Variants in KCNN2 observed in about 807,000 individuals in gnomAD.
KCNN2 encodes the protein potassium calcium-activated channel subfamily N member 2, also known as small conductance calcium-activated potassium channel protein 2.
In KCNN2, 24 loss-of-function variants were observed where a neutral mutation model predicts 55.5. That is an observed-to-expected ratio of 0.43 (90% CI 0.31 to 0.61). KCNN2 has a LOEUF of 0.61. Ranked by LOEUF, KCNN2 falls within the 20% of genes least tolerant of loss-of-function variation. The pLI is 0.08. For missense variants in KCNN2, 754 were observed against 853.6 expected, an observed-to-expected ratio of 0.88 and a Z score of 1.45; for synonymous variants, 431 against 336.1, an observed-to-expected ratio of 1.28 and a Z score of -3.09.
chr5:114,322,954 C>G (rs1756639750), intron 2 of KCNN2, among the ~76,000 whole-genome samples: 1 of 152,204 alleles, frequency 6.6e-6, no homozygotes, highest in African/African-American at 2.4e-5. Flanking sequence ...CTCCTGTCCT[C>G]TTCCCACTCT....
At chr5:114,094,907 A>T (rs933139337) in intron 1 of KCNN2, among the ~76,000 whole-genome samples, 1 of 152,112 alleles carries the variant, frequency 6.6e-6, no homozygotes, top group Non-Finnish European at 1.5e-5. Context: ...TCCTGCTTTT[A>T]TATAATATTG....
rs75535945 is a variant in KCNN2, at chr5:114,257,515, T to C, written c.-185+35950T>C. Among the ~76,000 whole-genome samples, 1,254 of 152,212 alleles carry C rather than the reference T, an allele frequency of 8.2e-3. 7 individuals carry two copies. The highest frequency in any genetic ancestry group is 0.014 in the Middle Eastern group (4 of 294). On this transcript the variant is annotated intron_variant, in intron 2 of 10. Coordinates refer to the KCNN2 transcript ENST00000512097. ...GGGATGTTTTCCCATTTGTTTGTATTATCTATATGTCTTTCCTCAGTGTTT... is the reference window on the plus strand; with the variant it reads ...GGGATGTTTTCCCATTTGTTTGTATCATCTATATGTCTTTCCTCAGTGTTT...
chr5:114,200,026 C>T (rs1753639986), intron 1 of KCNN2, among the ~76,000 whole-genome samples: 1 of 152,100 alleles, frequency 6.6e-6, no homozygotes, highest in Admixed American at 6.5e-5. Flanking sequence ...CTGAAAATTG[C>T]TGTGCCTCCT....
At chr5:114,295,680 A>G (rs1325738424) in intron 2 of KCNN2, among the ~76,000 whole-genome samples, 3 of 152,032 alleles carry the variant, frequency 2.0e-5, no homozygotes, top group African/African-American at 2.4e-5. Flanking sequence ...ACCCTGCTTC[A>G]GCTCACGCAC....
At position 114,123,643 on chromosome 5, in the gene KCNN2, G is replaced by A. The variant is rs1466761900; in HGVS notation, c.-271+67143G>A. On this transcript the variant is annotated intron_variant, in intron 1 of 10. Coordinates refer to the KCNN2 transcript ENST00000512097. ...CTCCCAAAGTGCTGGGATTACAGGC[G>A]TGAGCCACCGCGCCCGGCCTCATTT... is the stretch of plus-strand genomic sequence containing the variant. Among the ~76,000 whole-genome samples, 3 of 150,664 alleles carry A rather than the reference G, an allele frequency of 2.0e-5. No individual in the cohort carries two copies. The East Asian group carries it at 5.8e-4, about 29-fold the overall frequency.
At chr5:114,423,530 A>G (rs1053851226) in intron 3 of KCNN2, among the ~76,000 whole-genome samples, 4 of 152,200 alleles carry the variant, frequency 2.6e-5, no homozygotes, top group African/African-American at 9.6e-5. Context: ...AGGAGAGGAA[A>G]AAAAACCCTG....
At chr5:114,059,476 G>A (rs983031194) in intron 1 of KCNN2, among the ~76,000 whole-genome samples, 1 of 152,198 alleles carries the variant, frequency 6.6e-6, no homozygotes, top group African/African-American at 2.4e-5. Context: ...TTGTCAGATT[G>A]TGAATTCCTT....
chr5:114,061,290 C>T (rs988320804), intron 1 of KCNN2, among the ~76,000 whole-genome samples: 3 of 152,206 alleles, frequency 2.0e-5, no homozygotes, highest in African/African-American at 7.2e-5. Context: ...GCTACCTCCC[C>T]ACCCCCACTA....
intron 3 of KCNN2, among the ~76,000 whole-genome samples, chr5:114,432,646 A>G (rs1355497432): frequency 6.6e-6 from 1 of 152,174 alleles, no homozygotes; most frequent in Admixed American, 6.5e-5. Flanking sequence ...GGCCAAGGCC[A>G]GAGCCGGCTC....
At chr5:114,110,351 A>G (rs2632139) in intron 1 of KCNN2, among the ~76,000 whole-genome samples, 17,431 of 152,050 alleles carry the variant, frequency 0.11, 1,251 homozygotes, top group Non-Finnish European at 0.15. Flanking sequence ...AATAAGAAAC[A>G]TAGATCTCAG....
intron 3 of KCNN2, among the ~76,000 whole-genome samples, chr5:114,451,942 G>C (rs10044587): frequency 2.7e-5 from 4 of 150,858 alleles, no homozygotes; most frequent in South Asian, 2.1e-4. Context: ...CTAAATTAAA[G>C]CTGGGCTTTA....
At chr5:114,182,692 C>T (rs1463024941) in intron 1 of KCNN2, among the ~76,000 whole-genome samples, 1 of 152,000 alleles carries the variant, frequency 6.6e-6, no homozygotes, top group Non-Finnish European at 1.5e-5. Flanking sequence ...AAATATGTAA[C>T]AATACAACTT....
At chr5:114,377,119 T>A (rs1554084443) in intron 2 of KCNN2, among the ~76,000 whole-genome samples, 1 of 152,174 alleles carries the variant, frequency 6.6e-6, no homozygotes, top group Non-Finnish European at 1.5e-5. Flanking sequence ...ATTGACTTTA[T>A]TTTAAATTTG....
At chr5:114,141,460 C>T (rs1752278874) in intron 1 of KCNN2, among the ~76,000 whole-genome samples, 1 of 152,086 alleles carries the variant, frequency 6.6e-6, no homozygotes, top group African/African-American at 2.4e-5. Context: ...AGGACATGAA[C>T]TCATCCTTTT....
chr5:114,471,257 A>C (rs1011074328), intron 4 of KCNN2, among the ~76,000 whole-genome samples: 1 of 152,148 alleles, frequency 6.6e-6, no homozygotes, highest in Non-Finnish European at 1.5e-5. Flanking sequence ...AGTCCTTTAT[A>C]AAATAGTGTA....
chr5:114,130,579 T>C (rs991678091), intron 1 of KCNN2, among the ~76,000 whole-genome samples: 6 of 152,222 alleles, frequency 3.9e-5, no homozygotes, highest in Admixed American at 2.0e-4. Context: ...CTCAGCTTCA[T>C]ATTTACTGCC....
At chr5:114,107,221 T>G (rs920376174) in intron 1 of KCNN2, among the ~76,000 whole-genome samples, 2 of 152,120 alleles carry the variant, frequency 1.3e-5, no homozygotes, top group Non-Finnish European at 2.9e-5. Flanking sequence ...GAGGCTACTT[T>G]AGAGTTCTCT....
intron 1 of KCNN2, among the ~76,000 whole-genome samples, chr5:114,140,977 C>T (rs879774245): frequency 6.6e-5 from 10 of 151,628 alleles, no homozygotes; most frequent in Middle Eastern, 3.4e-3. Context: ...TTAGTAGAGA[C>T]GGGGTTTCAC....
chr5:114,056,273 T>C, exon 1 of KCNN2: 1 of 397,764 alleles, frequency 2.5e-6, no homozygotes, highest in African/African-American at 2.1e-5. Context: ...GGGGGCGCTC[T>C]CCCGGGCCGC....
Sources: allele counts gnomAD v4.1 joint callset (sites outside exome capture counted in the v4.1 genomes callset), GRCh38; gene constraint gnomAD v4.1.1; transcripts MANE v1.5; gene names NCBI Gene and HGNC (gene_info 2026-07-23, HGNC 2026-07-21).